The following WDR90 variants were observed in gnomAD, a reference collection of about 807,000 sequenced individuals.
WDR90 encodes WD repeat-containing protein 90.
Under a neutral mutation model 195.2 loss-of-function variants are expected in WDR90, and 238 were observed. The observed-to-expected ratio is 1.22, with a 90% CI of 1.10 to 1.36. The LOEUF (loss-of-function observed/expected upper bound fraction) is 1.36, where lower values mean the gene tolerates loss of function less well. WDR90 is among the 40% of genes most tolerant of loss of function. WDR90 has a pLI of 0.00. For missense variants in WDR90, 2,734 were observed against 2,439.5 expected (o/e 1.12, Z -2.54); for synonymous variants, 1,265 against 1,052.4 (o/e 1.20, Z -3.91).
rs946195704 is a variant in WDR90 at position 660,608 on chromosome 16, G to T, written c.3289-4G>T. On this transcript the variant is annotated splice_region_variant and splice_polypyrimidine_tract_variant and intron_variant, in intron 27 of 40. Transcript: ENST00000293879. ...CAGCAGCATCCGGGTCTCCTTCCTC[G>T]CAGGGCACTTGCCCGCCTCCCGCCA... is the stretch of plus-strand genomic sequence containing the variant. 5.1e-6 allele frequency: 8 copies of T among 1,561,374 alleles called. No individual in the cohort carries two copies. The highest frequency in any genetic ancestry group is 1.9e-5 in the Admixed American group (1 of 52,752).
At chr16:656,038 C>T in intron 17 of WDR90, 149 bp downstream of exon 17, 2 of 1,007,650 alleles carry the variant, frequency 2.0e-6, no homozygotes, top group Non-Finnish European at 2.9e-6. Flanking sequence ...ATCCAGAGCC[C>T]TGGGGCGGCT....
chr16:649,680 G>A lies in WDR90; in HGVS notation c.11-83G>A. On this transcript the variant is annotated intron_variant, in intron 1 of 40. Coordinates refer to ENST00000293879, the MANE Select transcript of WDR90 (RefSeq NM_145294.5). ...GCGCGGAGAGCCCCGGCTCCTGCCT[G>A]GTCCCCGAGGCCCGGCCCAGCCCCG... 4.4e-6 allele frequency: 6 copies of A among 1,354,470 alleles called. No individual in the cohort carries two copies. In the South Asian group the frequency reaches 9.3e-5, roughly 21 times the overall value. 83.9% of individuals were successfully genotyped at this position (1,354,470 alleles called of 1,614,324 possible).
chr16:655,918 C>G, intron 17 of WDR90, 29 bp downstream of exon 17: 1 of 1,566,456 alleles, frequency 6.4e-7, no homozygotes, highest in Non-Finnish European at 8.6e-7. Flanking sequence ...TCTCCCAACT[C>G]CGGGAGAGCC....
intron 34 of WDR90, chr16:663,514 T>C (rs530161945): frequency 1.0e-5 from 2 of 196,490 alleles, no homozygotes; most frequent in African/African-American, 4.7e-5. Context: ...CTCAGTCTCA[T>C]GGGATTGTTC....
At chr16:664,083 C>G (rs1168208961) in intron 34 of WDR90, among the ~76,000 whole-genome samples, 1 of 152,198 alleles carries the variant, frequency 6.6e-6, no homozygotes, top group Non-Finnish European at 1.5e-5. Flanking sequence ...GGGTTGTTTA[C>G]TTTTCTGGAA....
Position 651,689 on chromosome 16 carries a change from C to G in WDR90, c.782C>G (p.Ser261Cys). 6.2e-7 allele frequency: 1 copy of G among 1,613,058 alleles called. No individual in the cohort carries two copies. The highest frequency in any genetic ancestry group is 8.5e-7 in the Non-Finnish European group (1 of 1,180,016). The change falls in exon 8 of 41, where the codon TCC becomes TGC. Residue 261 changes from serine (S) to cysteine (C), a missense_variant. Physicochemically the swap from Ser to Cys is moderately radical, Grantham distance 112. Coordinates refer to ENST00000293879, the MANE Select transcript of WDR90 (RefSeq NM_145294.5). Reference sequence around the variant, plus strand: ...CAGCCTCTCCCTTGCCCGGTGGCCTCCAGCAAACCTGTGCGGTTCAGTGTG... The same window carrying G: ...CAGCCTCTCCCTTGCCCGGTGGCCTGCAGCAAACCTGTGCGGTTCAGTGTG... ...GPQPLPCPVASSKPVRFSVSP... is the reference protein window; with the variant it reads ...GPQPLPCPVACSKPVRFSVSP...
Position 656,261 on chromosome 16 carries a change from C to T in WDR90, c.1967-41C>T, listed in dbSNP as rs189828449. Reference sequence around the variant, plus strand: ...CGAAGCCTGAGCATGCGGCTCACCCCGGGGTGGCCCTGGAGGCCCCTGACC... The same window carrying T: ...CGAAGCCTGAGCATGCGGCTCACCCTGGGGTGGCCCTGGAGGCCCCTGACC... On this transcript the variant is annotated intron_variant, in intron 17 of 40. Transcript: ENST00000293879. 691 of 1,566,366 alleles carry T rather than the reference C, an allele frequency of 4.4e-4. 3 individuals carry two copies. The African/African-American group carries it at 8.2e-3, about 19-fold the overall frequency.
At chr16:660,990 G>GCCC (rs1357713857) in intron 28 of WDR90, 61 bp from the exon 29 acceptor site, 28 of 21,742 alleles carry the variant, frequency 1.3e-3, no homozygotes, top group South Asian at 5.3e-3. Context: ...CCCTCCCCAG[G>GCCC]CCCCTCCCCG....
At position 651,930 on chromosome 16, in the gene WDR90, A is replaced by T; in HGVS notation, c.944A>T (p.Glu315Val). The T allele has an allele frequency of 6.2e-7, 1 of 1,609,990 alleles. No individual in the cohort carries two copies. Among genetic ancestry groups the T allele is most frequent in the Non-Finnish European group, 8.5e-7 (1 of 1,179,060 alleles). Residue 315 changes from glutamate (E) to valine (V), a missense_variant, in exon 9 of 41, where the codon GAG (glutamate) becomes GTG (valine). Glu to Val is a moderately radical substitution (Grantham distance 121). Coordinates refer to ENST00000293879, the MANE Select transcript of WDR90 (RefSeq NM_145294.5). ...GATGGCCCCGGTTTCCATAGCCTTGAGCCCTGGGCCCAGCTGGAGGCCTCT... is the reference window on the plus strand; with the variant it reads ...GATGGCCCCGGTTTCCATAGCCTTGTGCCCTGGGCCCAGCTGGAGGCCTCT... The part of the protein sequence containing the change: ...NADGPGFHSL[E>V]PWAQLEASDI...
chr16:656,895 C>A (rs1207839819), intron 19 of WDR90, 24 bp downstream of exon 19: 1 of 1,607,488 alleles, frequency 6.2e-7, no homozygotes, highest in Non-Finnish European at 8.5e-7. Flanking sequence ...TGGCCACCAG[C>A]CCCACGGAGA....
rs371671219 is a variant in WDR90 at position 666,027 on chromosome 16, C to T, written c.4512C>T (p.Asp1504=). 1.1e-5 allele frequency: 17 copies of T among 1,604,178 alleles called. No homozygotes were observed. Among genetic ancestry groups the T allele is most frequent in the Admixed American group, 8.3e-5 (5 of 59,996 alleles). ...AGCGGCTAGCGGCTGGCTACGGTGACGGCTCCCTGCGCATCTTCAGCGTCT... is the reference window on the plus strand; with the variant it reads ...AGCGGCTAGCGGCTGGCTACGGTGATGGCTCCCTGCGCATCTTCAGCGTCT... ...EQQRLAAGYG[D]GSLRIFSVSR... Residue 1504 remains aspartate, a synonymous_variant, in exon 36 of 41, where the codon GAC becomes GAT. Transcript: ENST00000293879.
At chr16:649,148 G>A (rs1421923638), upstream of WDR90, 1 of 380,150 alleles carries the variant, frequency 2.6e-6, no homozygotes, top group Non-Finnish European at 4.6e-6. Flanking sequence ...CAACCGGCGC[G>A]GGCTTCGAAG....
At chr16:659,471 G>T in intron 26 of WDR90, 95 bp downstream of exon 26, 1 of 1,484,834 alleles carries the variant, frequency 6.7e-7, no homozygotes, top group East Asian at 2.4e-5. Flanking sequence ...TCCAGCTCTG[G>T]GGTGCAGGTG....
chr16:660,502 G>C, intron 27 of WDR90, 110 bp from the exon 28 acceptor site: 2 of 1,124,370 alleles, frequency 1.8e-6, no homozygotes, highest in Non-Finnish European at 2.6e-6. Flanking sequence ...GCCCCTGGGT[G>C]TCCTCTGCAG....
chr16:652,713 C>T (rs1270614226), intron 10 of WDR90, among the ~76,000 whole-genome samples, 178 bp downstream of exon 10: 1 of 152,260 alleles, frequency 6.6e-6, no homozygotes, highest in East Asian at 1.9e-4. Flanking sequence ...GCTCAGGCAT[C>T]TGCCCCGCCC....
chr16:654,250 G>A, intron 13 of WDR90: 1 of 177,234 alleles, frequency 5.6e-6, no homozygotes, highest in Admixed American at 5.9e-5. Context: ...GGAATGCAGT[G>A]GTGCAATCAT....
intron 34 of WDR90, 154 bp from the exon 35 acceptor site, chr16:665,525 G>T (rs750694393): frequency 2.7e-5 from 33 of 1,218,030 alleles, no homozygotes; most frequent in Non-Finnish European, 3.5e-5. Context: ...ACGGGGGCCG[G>T]CATTGCTCCT....
rs749008356 is a variant in WDR90 at position 653,463 on chromosome 16, C to T, written c.1233+12C>T. On this transcript the variant is annotated intron_variant, in intron 11 of 40. Coordinates refer to ENST00000293879, the MANE Select transcript of WDR90 (RefSeq NM_145294.5). ...GCCACACAGACAAGGTGGGTGCTGC[C>T]CGGGCCTGGGGCAGCTCACACCTGC... The T allele has an allele frequency of 1.2e-6, 2 of 1,612,514 alleles. No individual in the cohort carries two copies. The highest frequency in any genetic ancestry group is 4.5e-5 in the East Asian group (2 of 44,874).
In WDR90 at chr16:661,005, C is replaced by CCCG. The variant is rs2037893318; in HGVS notation, c.3392-44_3392-43insGCC. On this transcript the variant is annotated intron_variant, in intron 28 of 40. Coordinates refer to ENST00000293879, the MANE Select transcript of WDR90 (RefSeq NM_145294.5). Reference sequence around the variant, plus strand: ...CCCTCCCCAGGCCCCTCCCCGCCCCCCCCCCCCCCCGGCCCGGCCTCAGGC... The same window carrying CCCG: ...CCCTCCCCAGGCCCCTCCCCGCCCCCCCGCCCCCCCCCCGGCCCGGCCTCAGGC... 5.7e-5 allele frequency: 7 copies of CCCG among 123,780 alleles called. 1 individual carries two copies. Among genetic ancestry groups the CCCG allele is most frequent in the Non-Finnish European group, 8.2e-5 (7 of 85,806 alleles). The allele number at this position is 123,780 out of a possible 1,614,324, so 7.7% of individuals were successfully genotyped here. A position where few individuals can be genotyped will look rare whatever the true frequency, so the allele number is the denominator to read the frequency against.
Sources: gnomAD v4.1 joint callset for allele counts (sites outside exome capture counted in the v4.1 genomes callset) on GRCh38, gnomAD v4.1.1 for gene constraint, MANE v1.5 for transcripts, NCBI Gene and HGNC (gene_info 2026-07-23, HGNC 2026-07-21) for gene names.